KMT2C: variants seen among roughly 807,000 people sequenced by gnomAD.
The protein encoded by KMT2C is histone-lysine N-methyltransferase 2C.
Under a neutral mutation model 507.9 loss-of-function variants are expected in KMT2C, and 88 were observed. That is an observed-to-expected ratio of 0.17 (90% CI 0.15 to 0.21). KMT2C has a LOEUF of 0.21. Ranked by LOEUF, KMT2C falls within the 10% of genes least tolerant of loss-of-function variation. The pLI is 1.00. For synonymous variants in KMT2C, 2,049 were observed against 2,080.8 expected (o/e 0.98, Z 0.42); for missense variants, 4,954 against 5,957.8 (o/e 0.83, Z 5.55).
intron 55 of KMT2C, among the ~76,000 whole-genome samples, chr7:152,141,027 G>A (rs2090469285): frequency 6.6e-6 from 1 of 152,212 alleles, no homozygotes; most frequent in African/African-American, 2.4e-5. Context: ...ATCCCTTGAG[G>A]TCAGGAGTTC....
chr7:152,268,062 T>G (rs76148198), intron 7 of KMT2C, among the ~76,000 whole-genome samples: 1 of 143,662 alleles, frequency 7.0e-6, no homozygotes. Flanking sequence ...GATGGATCAC[T>G]TGAGGTCAGG....
rs776750473 is a variant in KMT2C, at chr7:152,205,158, G to C, written c.3909C>G (p.Ile1303Met). The stretch of plus-strand genomic sequence containing the variant: ...AAATAGAGCCTGAGGAATCTTTTCT[G>C]ATCACAGATCTTTTGGTTTTCCCTT... Reference protein sequence around the residue: ...TGQGKTKRSVIRKDSSGSISE... With the variant: ...TGQGKTKRSVMRKDSSGSISE... The change falls in exon 25 of 59, where the codon ATC (isoleucine) becomes ATG (methionine). Residue 1303 changes from isoleucine (I) to methionine (M), a missense_variant. Ile to Met is a conservative substitution (Grantham distance 10). This residue lies in a region of KMT2C where 176 missense variants were observed against 262.0 expected (regional missense o/e 0.67). Coordinates refer to ENST00000262189, the MANE Select transcript of KMT2C (RefSeq NM_170606.3). The C allele has an allele frequency of 2.5e-6, 4 of 1,610,998 alleles. No homozygotes were observed. The South Asian group carries it at 4.4e-5, about 18-fold the overall frequency.
In KMT2C at chr7:152,220,597, C is replaced by G. The variant is rs1452540630; in HGVS notation, c.3638G>C (p.Ser1213Thr). The change falls in exon 23 of 59, where the codon AGC becomes ACC. Residue 1213 changes from serine (S) to threonine (T), a missense_variant. Ser to Thr is a moderately conservative substitution (Grantham distance 58, BLOSUM62 1). Coordinates refer to ENST00000262189, the MANE Select transcript of KMT2C (RefSeq NM_170606.3). Reference protein sequence around the residue: ...KLKLKIINQNSVAVLQTPPDI... With the variant: ...KLKLKIINQNTVAVLQTPPDI... The stretch of plus-strand genomic sequence containing the variant: ...TGGAGGGGTCTGAAGGACGGCCACG[C>G]TATTCTGATTTATAATCTTCAATTT... 1.2e-6 allele frequency: 2 copies of G among 1,611,950 alleles called. No homozygotes were observed. The highest frequency in any genetic ancestry group is 1.7e-6 in the Non-Finnish European group (2 of 1,179,804).
chr7:152,174,945 A>G (rs1019550681), intron 38 of KMT2C, among the ~76,000 whole-genome samples: 1 of 152,236 alleles, frequency 6.6e-6, no homozygotes, highest in African/African-American at 2.4e-5. Flanking sequence ...AAGGACAGTA[A>G]GAAGCTTTAT....
rs114653962 is a variant in KMT2C, at chr7:152,190,557, A to G, written c.4661-2710T>C. On this transcript the variant is annotated intron_variant, in intron 31 of 58. Coordinates refer to ENST00000262189, the MANE Select transcript of KMT2C (RefSeq NM_170606.3). ...TGTTCAAGGACAAATAAGTAAAAGC[A>G]AAGTATTTCTTCTTATTTTATTCAA... 2.7e-3 allele frequency among the ~76,000 whole-genome samples: 413 copies of G among 152,308 alleles called. 1 individual carries two copies. Among genetic ancestry groups the G allele is most frequent in the African/African-American group, 9.2e-3 (384 of 41,574 alleles).
chr7:152,189,465 C>G (rs1332756377), intron 31 of KMT2C, among the ~76,000 whole-genome samples: 1 of 152,078 alleles, frequency 6.6e-6, no homozygotes, highest in Non-Finnish European at 1.5e-5. Flanking sequence ...TAGAGAATTC[C>G]TAACCTGATC....
intron 3 of KMT2C, among the ~76,000 whole-genome samples, chr7:152,327,065 T>C (rs889461458): frequency 5.3e-5 from 8 of 152,200 alleles, no homozygotes; most frequent in Non-Finnish European, 8.8e-5. Flanking sequence ...TCCTGTCTAA[T>C]GAAAATAACA....
At chr7:152,275,612 A>G (rs1256825782) in intron 6 of KMT2C, among the ~76,000 whole-genome samples, 4 of 152,220 alleles carry the variant, frequency 2.6e-5, no homozygotes, top group African/African-American at 9.6e-5. Context: ...TCATTGATAA[A>G]GTGTAATAAC....
At chr7:152,189,946 T>C (rs1310185626) in intron 31 of KMT2C, among the ~76,000 whole-genome samples, 1 of 152,162 alleles carries the variant, frequency 6.6e-6, no homozygotes, top group East Asian at 1.9e-4. Flanking sequence ...GGCCGCACAG[T>C]AGGTGAACAG....
At position 152,169,059 on chromosome 7, in the gene KMT2C, TTAATAAG is replaced by T. The variant is rs1407507063; in HGVS notation, c.9517+120_9517+126del. 16 of 587,882 alleles carry T rather than the reference TTAATAAG, an allele frequency of 2.7e-5. No homozygotes were observed. In the Admixed American group the frequency reaches 4.0e-4, roughly 15 times the overall value. The allele number at this position is 587,882 out of a possible 1,614,324, so 36.4% of individuals were successfully genotyped here. A position where few individuals can be genotyped will look rare whatever the true frequency, so the allele number is the denominator to read the frequency against. On this transcript the variant is annotated intron_variant, in intron 41 of 58. Coordinates refer to ENST00000262189, the MANE Select transcript of KMT2C (RefSeq NM_170606.3). ...GAGTTGCCTAATAGGGCAGTGATGT[TTAATAAG>T]ACAGGAGGGCACCTGGGCTTGAACT... is the stretch of plus-strand genomic sequence containing the variant.
At chr7:152,319,082 T>C (rs2096747795) in intron 3 of KMT2C, among the ~76,000 whole-genome samples, 1 of 152,124 alleles carries the variant, frequency 6.6e-6, no homozygotes, top group African/African-American at 2.4e-5. Context: ...AGCATAAAAT[T>C]ACTTAAATAT....
intron 1 of KMT2C, among the ~76,000 whole-genome samples, chr7:152,378,310 T>C (rs1042298366): frequency 6.6e-6 from 1 of 152,194 alleles, no homozygotes; most frequent in African/African-American, 2.4e-5. Context: ...ATTGTTGTCT[T>C]ATTGTAAGAA....
rs149510534 is a variant in KMT2C at position 152,162,585 on chromosome 7, G to C, written c.10992C>G (p.Val3664=). 26 of 1,614,190 alleles carry C rather than the reference G, an allele frequency of 1.6e-5. No individual in the cohort carries two copies. The highest frequency in any genetic ancestry group is 2.1e-5 in the Non-Finnish European group (25 of 1,180,034). ...CTGCCATATTGGGAGTGGATGGGCC[G>C]ACTGGTTCCACCGACTCTTGGTCGG... ...QQADQESVEP[V]GPSTPNMAAG... Residue 3664 remains valine (V), a synonymous_variant, in exon 43 of 59, where the codon GTC becomes GTG. Transcript: ENST00000262189.
intron 1 of KMT2C, among the ~76,000 whole-genome samples, chr7:152,362,880 A>C (rs2097207818): frequency 6.6e-6 from 1 of 152,192 alleles, no homozygotes; most frequent in Non-Finnish European, 1.5e-5. Flanking sequence ...TGGTTTTGGC[A>C]CTAGGAAGAC....
intron 1 of KMT2C, among the ~76,000 whole-genome samples, chr7:152,387,599 T>G (rs1281921628): frequency 6.6e-6 from 1 of 151,970 alleles, no homozygotes; most frequent in South Asian, 2.1e-4. Flanking sequence ...GCCTCCCAAG[T>G]AGCTGGGACT....
chr7:152,239,158 A>T (rs1563535387), intron 14 of KMT2C: 1 of 201,004 alleles, frequency 5.0e-6, no homozygotes, highest in Non-Finnish European at 1.0e-5. Context: ...AAAGTCAATC[A>T]CACTTTAAGA....
At chr7:152,393,221 A>G (rs2097513624) in intron 1 of KMT2C, among the ~76,000 whole-genome samples, 2 of 152,200 alleles carry the variant, frequency 1.3e-5, no homozygotes, top group African/African-American at 2.4e-5. Flanking sequence ...AATAGGAAAA[A>G]CTATAAATTA....
rs1413205969 is a variant in KMT2C at position 152,312,145 on chromosome 7, T to C, written c.591-199A>G. 10 of 378,658 alleles carry C rather than the reference T, an allele frequency of 2.6e-5. No homozygotes were observed. In the East Asian group the frequency reaches 3.9e-4, roughly 15 times the overall value. The allele number at this position is 378,658 out of a possible 1,614,324, so 23.5% of individuals were successfully genotyped here. ...GGGTTGCCATATTATATCGTATAAG[T>C]AACAAGTAAGAAAAAGAGTCTCCAA... On this transcript the variant is annotated intron_variant, in intron 4 of 58. Transcript: ENST00000262189.
At chr7:152,370,160 C>T (rs535245459) in intron 1 of KMT2C, among the ~76,000 whole-genome samples, 1 of 151,856 alleles carries the variant, frequency 6.6e-6, no homozygotes, top group South Asian at 2.1e-4. Context: ...CACAACTGCA[C>T]TCCAGCCTGG....
Sources: allele counts gnomAD v4.1 joint callset (sites outside exome capture counted in the v4.1 genomes callset), GRCh38; gene constraint gnomAD v4.1.1; regional missense constraint gnomAD v4.1.1; transcripts MANE v1.5; gene names NCBI Gene and HGNC (gene_info 2026-07-23, HGNC 2026-07-21).